GSE1: variants seen among roughly 807,000 people sequenced by gnomAD.
GSE1 encodes the protein genetic suppressor element 1.
GSE1 carries 32 observed loss-of-function variants against 112.6 expected under a neutral mutation model. The ratio of observed to expected loss-of-function variants is 0.28; its 90% CI spans 0.21 to 0.38. The LOEUF is 0.38. Among genes scored for constraint, GSE1 ranks in the 10% least tolerant of loss-of-function variants. GSE1 has a pLI of 1.00. For missense variants in GSE1, 2,348 were observed against 1,699.2 expected, an observed-to-expected ratio of 1.38 and a Z score of -6.71; for synonymous variants, 1,115 against 735.6, an observed-to-expected ratio of 1.52 and a Z score of -8.35.
chr16:85,220,562 C>T (rs1331304883), intron 1 of GSE1, among the ~76,000 whole-genome samples: 2 of 152,178 alleles, frequency 1.3e-5, no homozygotes, highest in Non-Finnish European at 2.9e-5. Flanking sequence ...CGTCAAACCA[C>T]CTCTTCCCCT....
At position 85,654,391 on chromosome 16, in the gene GSE1, C is replaced by G. The variant is rs758685041; in HGVS notation, c.540C>G (p.Pro180=). ...TCCCCTCGCACCTGCTCAGCACCCCCTACCCCTTCGGCCTCTCCCCCAGCT... is the reference window on the plus strand; with the variant it reads ...TCCCCTCGCACCTGCTCAGCACCCCGTACCCCTTCGGCCTCTCCCCCAGCT... ...PAIPSHLLST[P]YPFGLSPSSV... The change falls in exon 4 of 16, where the codon CCC becomes CCG. Residue 180 remains proline, a synonymous_variant. Transcript: ENST00000253458. 2 of 1,608,632 alleles carry G rather than the reference C, an allele frequency of 1.2e-6. No homozygotes were observed. The highest frequency in any genetic ancestry group is 1.7e-6 in the Non-Finnish European group (2 of 1,177,684).
intron 2 of GSE1, among the ~76,000 whole-genome samples, chr16:85,453,533 G>A (rs1184550074): frequency 6.6e-6 from 1 of 152,076 alleles, no homozygotes; most frequent in Non-Finnish European, 1.5e-5. Flanking sequence ...GGTGGAAGTA[G>A]CAGGTCCCTC....
Position 85,498,594 on chromosome 16 carries a change from CAT to C in GSE1, c.2465-135319_2465-135318del, listed in dbSNP as rs996994265. Among the ~76,000 whole-genome samples the C allele has an allele frequency of 1.7e-4, 26 of 152,082 alleles. 1 individual carries two copies. Among genetic ancestry groups the C allele is most frequent in the South Asian group, 8.3e-4 (4 of 4,830 alleles). ...TGCATACCTTACATATATATAAACA[CAT>C]GTGTATATATGTACATACCACACAC... On this transcript the variant is annotated intron_variant, in intron 2 of 2. Transcript: ENST00000637419.
At chr16:85,647,292 C>G (rs1287735003) in intron 2 of GSE1, among the ~76,000 whole-genome samples, 1 of 152,202 alleles carries the variant, frequency 6.6e-6, no homozygotes, top group Non-Finnish European at 1.5e-5. Flanking sequence ...TGCAGCCACC[C>G]ATTCTCCCAT....
chr16:85,357,475 T>A (rs2046973567), exon 2 of GSE1: 3 of 1,232,262 alleles, frequency 2.4e-6, no homozygotes, highest in South Asian at 1.4e-5. Context: ...TGTTTGTGGA[T>A]CTCTGGAAGC....
intron 1 of GSE1, among the ~76,000 whole-genome samples, chr16:85,575,440 C>G (rs2046189496): frequency 6.6e-6 from 1 of 152,198 alleles, no homozygotes; most frequent in Non-Finnish European, 1.5e-5. Context: ...TTGCTTCGCT[C>G]TGGTGCTGTG....
chr16:85,196,643 G>A (rs1048968867), intron 1 of GSE1, among the ~76,000 whole-genome samples: 2 of 152,074 alleles, frequency 1.3e-5, no homozygotes, highest in African/African-American at 2.4e-5. Flanking sequence ...CTCTTTCCCC[G>A]GTTGCTGGCA....
At chr16:85,672,183 T>TG in intron 15 of GSE1, 1 of 549,212 alleles carries the variant, frequency 1.8e-6, no homozygotes, top group Non-Finnish European at 3.4e-6. Context: ...GTTTAGTAGA[T>TG]GGGGTTTCCC....
At chr16:85,398,949 T>G (rs182487676) in intron 2 of GSE1, among the ~76,000 whole-genome samples, 14 of 152,068 alleles carry the variant, frequency 9.2e-5, no homozygotes, top group African/African-American at 3.4e-4. Flanking sequence ...CGTTGTATGT[T>G]TGTGTGTGCC....
intron 1 of GSE1, among the ~76,000 whole-genome samples, chr16:85,257,193 C>G (rs1907179022): frequency 6.6e-6 from 1 of 152,188 alleles, no homozygotes; most frequent in African/African-American, 2.4e-5. Context: ...ACTGCAACCT[C>G]CACCTCCTGG....
chr16:85,577,823 T>A (rs1224273610), intron 1 of GSE1, among the ~76,000 whole-genome samples: 1 of 152,224 alleles, frequency 6.6e-6, no homozygotes, highest in Non-Finnish European at 1.5e-5. Context: ...AGGTTTCCCC[T>A]TTTCCACTCC....
chr16:85,510,875 G>T (rs1203573863), intron 2 of GSE1, among the ~76,000 whole-genome samples: 1 of 152,122 alleles, frequency 6.6e-6, no homozygotes, highest in East Asian at 1.9e-4. Flanking sequence ...CTGTTCCCAG[G>T]TCTGCACAAG....
At position 85,548,531 on chromosome 16, in the gene GSE1, C is replaced by T. The variant is rs74031835; in HGVS notation, c.2465-85383C>T. ...TCTATGTCTGGCCTATTTCATTTAA[C>T]GTAAGAATCTCCAATTCCACACGTG... On this transcript the variant is annotated intron_variant, in intron 2 of 2. Coordinates refer to the GSE1 transcript ENST00000637419. 3.9e-3 allele frequency among the ~76,000 whole-genome samples: 596 copies of T among 152,228 alleles called. 5 individuals are homozygous for T. Among genetic ancestry groups the T allele is most frequent in the African/African-American group, 0.013 (523 of 41,528 alleles).
intron 1 of GSE1, among the ~76,000 whole-genome samples, chr16:85,276,592 G>C (rs1024374817): frequency 6.6e-6 from 1 of 152,230 alleles, no homozygotes; most frequent in East Asian, 1.9e-4. Flanking sequence ...CCCGGGTTCG[G>C]GGTGACCTCC....
chr16:85,593,177 T>C (rs2047068752), intron 1 of GSE1: 1 of 152,310 alleles, frequency 6.6e-6, no homozygotes, highest in Non-Finnish European at 1.5e-5. Context: ...TCCTGGTCTA[T>C]CGAGTGGGTC....
chr16:85,287,431 A>G (rs1319887448), intron 1 of GSE1, among the ~76,000 whole-genome samples: 1 of 151,994 alleles, frequency 6.6e-6, no homozygotes, highest in Admixed American at 6.6e-5. Context: ...CAAGGCAGTA[A>G]TGATCCACCC....
chr16:85,471,435 G>A (rs148127682), intron 2 of GSE1, among the ~76,000 whole-genome samples: 3 of 152,240 alleles, frequency 2.0e-5, no homozygotes, highest in Non-Finnish European at 4.4e-5. Context: ...ACTTGTTGAG[G>A]CAAAGTCTCA....
chr16:85,357,480 G>A, exon 2 of GSE1: 1 of 1,240,882 alleles, frequency 8.1e-7, no homozygotes, highest in Non-Finnish European at 1.0e-6. Flanking sequence ...GTGGATCTCT[G>A]GAAGCATCTG....
At chr16:85,347,334 G>C (rs1007086813) in intron 1 of GSE1, among the ~76,000 whole-genome samples, 1 of 152,160 alleles carries the variant, frequency 6.6e-6, no homozygotes, top group Non-Finnish European at 1.5e-5. Context: ...AGGTCTCAGG[G>C]CCTCCACATC....
Sources: allele counts gnomAD v4.1 joint callset (sites outside exome capture counted in the v4.1 genomes callset), GRCh38; gene constraint gnomAD v4.1.1; transcripts MANE v1.5; gene names NCBI Gene and HGNC (gene_info 2026-07-23, HGNC 2026-07-21).